Variants in UBLCP1 observed in about 807,000 individuals in gnomAD.
UBLCP1 encodes the protein ubiquitin like domain containing CTD phosphatase 1, also known as ubiquitin-like domain-containing CTD phosphatase 1.
Under a neutral mutation model 42.4 loss-of-function variants are expected in UBLCP1, and 28 were observed. The observed-to-expected ratio is 0.66, with a 90% CI of 0.49 to 0.90. The LOEUF (loss-of-function observed/expected upper bound fraction) is 0.90, where lower values mean the gene tolerates loss of function less well. Among genes scored for constraint, UBLCP1 ranks in the 40% least tolerant of loss-of-function variants. UBLCP1 has a pLI of 0.00. For missense variants in UBLCP1, 279 were observed against 374.5 expected (o/e 0.75, Z 2.10); for synonymous variants, 122 against 120.8 (o/e 1.01, Z -0.07).
chr5:159,275,651 A>C (rs935128775), intron 8 of UBLCP1, among the ~76,000 whole-genome samples: 1 of 152,060 alleles, frequency 6.6e-6, no homozygotes, highest in Non-Finnish European at 1.5e-5. Flanking sequence ...TGACCTCGTG[A>C]TCCGCCTGCC....
chr5:159,272,381 C>A (rs1261095343), intron 6 of UBLCP1, among the ~76,000 whole-genome samples: 1 of 151,594 alleles, frequency 6.6e-6, no homozygotes, highest in Non-Finnish European at 1.5e-5. Flanking sequence ...TCCCAATGAC[C>A]CCACCTTGAT....
At chr5:159,275,633 C>T (rs1408959222) in intron 8 of UBLCP1, among the ~76,000 whole-genome samples, 4 of 152,092 alleles carry the variant, frequency 2.6e-5, no homozygotes, top group Non-Finnish European at 4.4e-5. Context: ...AGGATGGTCT[C>T]GATCTCCTGA....
Position 159,269,986 on chromosome 5 carries a change from G to C in UBLCP1, c.233G>C (p.Arg78Pro). ...PNTKIMMMGTREESLEDVLGP... is the reference protein window; with the variant it reads ...PNTKIMMMGTPEESLEDVLGP... ...ACTAAAATCATGATGATGGGAACTC[G>C]TGAGGAGAGCTTGGTAAATGTTTAC... Residue 78 changes from arginine (R) to proline (P), a missense_variant, in exon 3 of 11, where the codon CGT (arginine) becomes CCT (proline). Transcript: ENST00000296786. 6.2e-6 allele frequency: 10 copies of C among 1,611,354 alleles called. No individual in the cohort carries two copies. The highest frequency in any genetic ancestry group is 8.5e-6 in the Non-Finnish European group (10 of 1,178,994).
chr5:159,278,913 G>T (rs1584741228), intron 9 of UBLCP1, among the ~76,000 whole-genome samples: 1 of 152,132 alleles, frequency 6.6e-6, no homozygotes, highest in South Asian at 2.1e-4. Context: ...AGCAACATGG[G>T]CTTCCCAACA....
At chr5:159,280,233 C>A (rs1055712312) in intron 9 of UBLCP1, among the ~76,000 whole-genome samples, 1 of 152,148 alleles carries the variant, frequency 6.6e-6, no homozygotes, top group African/African-American at 2.4e-5. Flanking sequence ...GATAACACTT[C>A]ATGAAAACCT....
In UBLCP1 at chr5:159,274,605, A is replaced by G; in HGVS notation, c.568A>G (p.Ile190Val). 1 of 1,611,612 alleles carries G rather than the reference A, an allele frequency of 6.2e-7. No homozygotes were observed. Among genetic ancestry groups the G allele is most frequent in the Non-Finnish European group, 8.5e-7 (1 of 1,178,662 alleles). ...VIWSATNMKW[I>V]EAKMKELGVS... ...TTTAGCTGCAACAAATATGAAGTGG[A>G]TTGAAGCTAAAATGAAAGTAAGTGT... Residue 190 changes from isoleucine to valine, a missense_variant, in exon 7 of 11, where the codon ATT becomes GTT. Transcript: ENST00000296786.
At chr5:159,276,995 C>T (rs1753547298) in intron 8 of UBLCP1, among the ~76,000 whole-genome samples, 1 of 152,036 alleles carries the variant, frequency 6.6e-6, no homozygotes, top group African/African-American at 2.4e-5. Flanking sequence ...TTTTGGGGAA[C>T]ATAGGTGCTT....
chr5:159,264,443 G>T (rs1254651573), intron 1 of UBLCP1, among the ~76,000 whole-genome samples: 1 of 152,200 alleles, frequency 6.6e-6, no homozygotes, highest in Non-Finnish European at 1.5e-5. Flanking sequence ...ATGAAATAAG[G>T]TTCAGTAACT....
chr5:159,268,095 C>T (rs185906813), intron 1 of UBLCP1, among the ~76,000 whole-genome samples: 7 of 152,340 alleles, frequency 4.6e-5, no homozygotes, highest in African/African-American at 1.4e-4. Context: ...CCTCTCAAAA[C>T]TCCTGTTTCC....
Position 159,285,172 on chromosome 5 carries a change from G to T in UBLCP1, c.*241G>T. On this transcript the variant is annotated 3_prime_UTR_variant, in exon 11 of 11. Transcript: ENST00000296786. ...TTGAAAAATATTTTCTCCAGCGTTG[G>T]TTACTGACCACCCCACCCTCCCACC... 1 of 396,058 alleles carries T rather than the reference G, an allele frequency of 2.5e-6. No individual in the cohort carries two copies. Among genetic ancestry groups the T allele is most frequent in the African/African-American group, 2.1e-5 (1 of 47,070 alleles). The allele number at this position is 396,058 out of a possible 1,614,324, so 24.5% of individuals were successfully genotyped here. A position where few individuals can be genotyped will look rare whatever the true frequency, so the allele number is the denominator to read the frequency against.
chr5:159,269,899 G>A lies in UBLCP1; in HGVS notation c.155-9G>A, dbSNP rs780242289. 6.2e-7 allele frequency: 1 copy of A among 1,609,250 alleles called. No individual in the cohort carries two copies. Among genetic ancestry groups the A allele is most frequent in the Non-Finnish European group, 8.5e-7 (1 of 1,176,836 alleles). Reference sequence around the variant, plus strand: ...TTAGTGAGAAAACAGTCATTTGCTTGTATTGTAGGCAAACCTGCAGAAAAT... The same window carrying A: ...TTAGTGAGAAAACAGTCATTTGCTTATATTGTAGGCAAACCTGCAGAAAAT... On this transcript the variant is annotated splice_polypyrimidine_tract_variant and intron_variant, in intron 2 of 10. Coordinates refer to ENST00000296786, the MANE Select transcript of UBLCP1 (RefSeq NM_145049.5).
At chr5:159,272,590 C>T (rs748252178) in intron 6 of UBLCP1, among the ~76,000 whole-genome samples, 2 of 152,100 alleles carry the variant, frequency 1.3e-5, no homozygotes, top group African/African-American at 4.8e-5. Context: ...CTTGATGCTT[C>T]AGAATATTTT....
intron 6 of UBLCP1, 100 bp from the exon 7 acceptor site, chr5:159,274,485 T>G: frequency 1.0e-6 from 1 of 988,420 alleles, no homozygotes; most frequent in South Asian, 1.6e-5. Context: ...TCTGATGCAT[T>G]TAAACTTTTA....
chr5:159,271,316 G>C (rs368360418), intron 5 of UBLCP1, among the ~76,000 whole-genome samples: 279 of 151,938 alleles, frequency 1.8e-3, no homozygotes, highest in African/African-American at 6.1e-3. Flanking sequence ...AAAAATACTC[G>C]CTGGATGTGG....
chr5:159,263,870 T>C (rs1440650722), intron 1 of UBLCP1, among the ~76,000 whole-genome samples: 4 of 152,240 alleles, frequency 2.6e-5, no homozygotes, highest in Admixed American at 2.6e-4. Context: ...TTTACTGCTA[T>C]ACTTTAAAAT....
intron 6 of UBLCP1, among the ~76,000 whole-genome samples, chr5:159,273,350 G>C (rs1228513862): frequency 6.6e-6 from 1 of 152,114 alleles, no homozygotes; most frequent in East Asian, 1.9e-4. Flanking sequence ...TTTATAAACT[G>C]TGATATTTTG....
At position 159,272,119 on chromosome 5, in the gene UBLCP1, G is replaced by T. The variant is rs747635870; in HGVS notation, c.545G>T (p.Trp182Leu). Residue 182 changes from tryptophan (W) to leucine (L), a missense_variant and splice_region_variant, in exon 6 of 11, where the codon TGG becomes TTG. Coordinates refer to ENST00000296786, the MANE Select transcript of UBLCP1 (RefSeq NM_145049.5). ...SAYEDYDIVI[W>L]SATNMKWIEA... ...TATGAAGATTATGACATTGTTATTT[G>T]GTGTAAGCTGTATTTTTTTGTTTAG... 2 of 1,610,220 alleles carry T rather than the reference G, an allele frequency of 1.2e-6. No homozygotes were observed. The highest frequency in any genetic ancestry group is 1.7e-6 in the Non-Finnish European group (2 of 1,177,742).
Position 159,275,191 on chromosome 5 carries a change from T to C in UBLCP1, c.629T>C (p.Met210Thr). ...STNANYKITF[M>T]LDSAAMITVH... The stretch of plus-strand genomic sequence containing the variant: ...AATGCAAATTATAAGATTACTTTCA[T>C]GTTGGATAGTGCTGCTATGATAACA... The change falls in exon 8 of 11, where the codon ATG becomes ACG. Residue 210 changes from methionine (M) to threonine (T), a missense_variant. Coordinates refer to ENST00000296786, the MANE Select transcript of UBLCP1 (RefSeq NM_145049.5). The C allele has an allele frequency of 6.2e-7, 1 of 1,613,378 alleles. No individual in the cohort carries two copies. Among genetic ancestry groups the C allele is most frequent in the Non-Finnish European group, 8.5e-7 (1 of 1,179,814 alleles).
chr5:159,280,295 G>A (rs1044180816), intron 9 of UBLCP1, among the ~76,000 whole-genome samples: 1 of 152,082 alleles, frequency 6.6e-6, no homozygotes, highest in Admixed American at 6.6e-5. Flanking sequence ...ATCTGCCCAC[G>A]TCGGCATAGA....
Sources: gnomAD v4.1 joint callset for allele counts (sites outside exome capture counted in the v4.1 genomes callset) on GRCh38, gnomAD v4.1.1 for gene constraint, MANE v1.5 for transcripts, NCBI Gene and HGNC (gene_info 2026-07-23, HGNC 2026-07-21) for gene names.